RNLS: variants seen among roughly 807,000 people sequenced by gnomAD.
RNLS encodes the protein renalase, FAD dependent amine oxidase, also known as renalase.
A neutral mutation model predicts 39.8 loss-of-function variants in RNLS; 39 were observed. The ratio of observed to expected loss-of-function variants is 0.98; its 90% CI spans 0.76 to 1.28. The LOEUF is 1.28. Among genes scored for constraint, RNLS ranks in the 50% most tolerant of loss-of-function variants. The pLI is 0.00. For missense variants in RNLS, 410 were observed against 413.3 expected, an observed-to-expected ratio of 0.99 and a Z score of 0.07; for synonymous variants, 147 against 150.7, an observed-to-expected ratio of 0.98 and a Z score of 0.18.
intron 4 of RNLS, among the ~76,000 whole-genome samples, chr10:88,396,197 G>A (rs1371828923): frequency 6.6e-6 from 1 of 151,966 alleles, no homozygotes; most frequent in Non-Finnish European, 1.5e-5. Context: ...ATAAAAGAAA[G>A]CACAAATTTC....
chr10:88,345,979 A>G (rs766804273), intron 5 of RNLS, among the ~76,000 whole-genome samples: 3 of 152,136 alleles, frequency 2.0e-5, no homozygotes, highest in Non-Finnish European at 4.4e-5. Context: ...TAAAAACCAA[A>G]TCATGAATTA....
chr10:88,339,184 G>A (rs1352395280), intron 5 of RNLS, among the ~76,000 whole-genome samples: 1 of 152,206 alleles, frequency 6.6e-6, no homozygotes, highest in Non-Finnish European at 1.5e-5. Context: ...CCAAATCTGG[G>A]AAATATGTGA....
intron 4 of RNLS, among the ~76,000 whole-genome samples, chr10:88,470,989 T>C (rs2133977685): frequency 6.6e-6 from 1 of 152,322 alleles, no homozygotes; most frequent in South Asian, 2.1e-4. Context: ...CTACCACTCT[T>C]CATTAACACT....
the RNLS span, among the ~76,000 whole-genome samples, chr10:88,175,140 TTC>T: frequency 2.6e-5 from 4 of 152,148 alleles, no homozygotes; most frequent in African/African-American, 9.7e-5. Flanking sequence ...TATTTGGATC[TTC>T]TCTCATAATT....
At chr10:88,566,515 C>T (rs1241722897) in intron 4 of RNLS, among the ~76,000 whole-genome samples, 4 of 152,012 alleles carry the variant, frequency 2.6e-5, no homozygotes, top group Non-Finnish European at 1.5e-5. Flanking sequence ...ATGAAAAATA[C>T]ATATCAGAAA....
At chr10:88,444,258 G>T (rs1841909639) in intron 4 of RNLS, among the ~76,000 whole-genome samples, 1 of 152,206 alleles carries the variant, frequency 6.6e-6, no homozygotes, top group African/African-American at 2.4e-5. Flanking sequence ...GCAGCTGAGG[G>T]TCCTGACTGT....
intron 6 of RNLS, among the ~76,000 whole-genome samples, chr10:88,290,552 GA>G (rs1843599785): frequency 1.3e-5 from 2 of 151,914 alleles, no homozygotes; most frequent in Admixed American, 6.6e-5. Flanking sequence ...CAATGAGAAA[GA>G]AAAAATGGTG....
chr10:88,341,073 A>AAAC (rs1268103583), intron 5 of RNLS, among the ~76,000 whole-genome samples: 1 of 136,590 alleles, frequency 7.3e-6, no homozygotes, highest in Non-Finnish European at 1.6e-5. Context: ...AAAAAAAAAC[A>AAAC]AAAAACAGCA....
chr10:88,393,152 T>C (rs1229579391), intron 4 of RNLS, among the ~76,000 whole-genome samples: 13 of 152,174 alleles, frequency 8.5e-5, no homozygotes, highest in African/African-American at 2.6e-4. Context: ...TGCCCTCTCT[T>C]ACCACTCCTA....
At chr10:88,436,501 C>G (rs1300397081) in intron 4 of RNLS, among the ~76,000 whole-genome samples, 2 of 152,176 alleles carry the variant, frequency 1.3e-5, no homozygotes, top group Non-Finnish European at 2.9e-5. Context: ...CAAAGCCACT[C>G]ACAATGATAT....
chr10:88,409,225 C>T (rs1275316070), intron 4 of RNLS, among the ~76,000 whole-genome samples: 1 of 152,076 alleles, frequency 6.6e-6, no homozygotes, highest in Non-Finnish European at 1.5e-5. Context: ...AATATTTTCA[C>T]AGTAATGCAA....
the RNLS span, among the ~76,000 whole-genome samples, chr10:88,210,999 A>C: frequency 6.6e-6 from 1 of 152,082 alleles, no homozygotes; most frequent in Non-Finnish European, 1.5e-5. Flanking sequence ...ATATTTTCTA[A>C]GAAGCATTTC....
chr10:88,233,199 C>T, the RNLS span, among the ~76,000 whole-genome samples: 2 of 152,200 alleles, frequency 1.3e-5, no homozygotes, highest in Admixed American at 1.3e-4. Flanking sequence ...AGCAGCTCTC[C>T]AGCAAATCCA....
chr10:88,408,646 G>C (rs1264421888), intron 4 of RNLS, among the ~76,000 whole-genome samples: 1 of 151,726 alleles, frequency 6.6e-6, no homozygotes, highest in African/African-American at 2.4e-5. Context: ...TTATCAATTT[G>C]GTGTTTTATA....
intron 5 of RNLS, 36 bp downstream of exon 5, chr10:88,362,516 G>C (rs776274128): frequency 6.3e-7 from 1 of 1,584,028 alleles, no homozygotes; most frequent in Non-Finnish European, 8.6e-7. Context: ...ACCCACCATT[G>C]TTGCTGTATT....
intron 4 of RNLS, among the ~76,000 whole-genome samples, chr10:88,445,456 C>T (rs1185563507): frequency 3.3e-5 from 5 of 152,182 alleles, no homozygotes; most frequent in Non-Finnish European, 5.9e-5. Context: ...ATCAAATTCA[C>T]ACATAACAAT....
chr10:88,265,943 C>T, the RNLS span, among the ~76,000 whole-genome samples: 1 of 152,168 alleles, frequency 6.6e-6, no homozygotes, highest in African/African-American at 2.4e-5. Flanking sequence ...TTACTTTTCT[C>T]CGAATTCCTT....
chr10:88,517,572 G>A (rs373568410), intron 4 of RNLS, among the ~76,000 whole-genome samples: 19 of 151,698 alleles, frequency 1.3e-4, no homozygotes, highest in East Asian at 5.8e-4. Context: ...AATACATAAC[G>A]GTTGATAAAT....
chr10:88,176,393 C>G, the RNLS span, among the ~76,000 whole-genome samples: 1 of 152,138 alleles, frequency 6.6e-6, no homozygotes. Context: ...CCAGCATGGT[C>G]TTGATCTTCT....
Sources: gnomAD v4.1 joint callset for allele counts (sites outside exome capture counted in the v4.1 genomes callset) on GRCh38, gnomAD v4.1.1 for gene constraint, MANE v1.5 for transcripts, NCBI Gene and HGNC (gene_info 2026-07-23, HGNC 2026-07-21) for gene names.